The following SERPING1 variants were observed in gnomAD, a reference collection of about 807,000 sequenced individuals.
SERPING1 encodes the protein serpin family G member 1.
In SERPING1, 5 loss-of-function variants were observed where a neutral mutation model predicts 34.1. That is an observed-to-expected ratio of 0.15 (90% confidence interval 0.08 to 0.31). SERPING1 has a LOEUF of 0.31. SERPING1 is among the 10% of genes least tolerant of loss of function. SERPING1 has a pLI of 1.00. For synonymous variants in SERPING1, 225 were observed against 242.4 expected, an observed-to-expected ratio of 0.93 and a Z score of 0.67; for missense variants, 505 against 609.5, an observed-to-expected ratio of 0.83 and a Z score of 1.81.
At chr11:57,606,355 C>T in intron 5 of SERPING1, 53 bp from the exon 6 acceptor site, 2 of 1,610,998 alleles carry the variant, frequency 1.2e-6, no homozygotes, top group Non-Finnish European at 1.7e-6. Context: ...TTTAGCTCCT[C>T]TTCATCCTTT....
At chr11:57,601,166 C>T (rs187843574) in intron 3 of SERPING1, among the ~76,000 whole-genome samples, 5 of 151,540 alleles carry the variant, frequency 3.3e-5, no homozygotes, top group Admixed American at 6.6e-5. Flanking sequence ...TTTAGGAGGC[C>T]GAGGCGGGCA....
chr11:57,612,863 G>A (rs1038945677), intron 7 of SERPING1, among the ~76,000 whole-genome samples: 1 of 152,124 alleles, frequency 6.6e-6, no homozygotes, highest in Non-Finnish European at 1.5e-5. Flanking sequence ...TCCTACCTCA[G>A]CCTCCCAAGT....
intron 6 of SERPING1, chr11:57,611,469 T>C (rs957120756): frequency 1.8e-6 from 1 of 564,674 alleles, no homozygotes; most frequent in Non-Finnish European, 3.2e-6. Flanking sequence ...AGCTCGTCAG[T>C]GGTGGAGTCA....
At chr11:57,609,573 T>A (rs980944671) in intron 6 of SERPING1, among the ~76,000 whole-genome samples, 15 of 151,802 alleles carry the variant, frequency 9.9e-5, no homozygotes, top group African/African-American at 2.2e-4. Flanking sequence ...GAGTGAGACC[T>A]TGTCTCAGAA....
intron 6 of SERPING1, chr11:57,611,484 A>G (rs942911517): frequency 1.7e-6 from 1 of 581,042 alleles, no homozygotes; most frequent in African/African-American, 1.9e-5. Context: ...GAGTCAGGGT[A>G]TAATCAGAAA....
rs138394087 is a variant in SERPING1 at position 57,614,482 on chromosome 11, G to A, written c.1404G>A (p.Leu468=). ...CCGCCATCTCTGTGGCCCGCACCCTGCTGGTCTTTGAAGTGCAGCAGCCCT... is the reference window on the plus strand; with the variant it reads ...CCGCCATCTCTGTGGCCCGCACCCTACTGGTCTTTGAAGTGCAGCAGCCCT... ...AASAISVART[L]LVFEVQQPFL... Residue 468 remains leucine, a synonymous_variant, in exon 8 of 8, where the codon CTG becomes CTA. Transcript: ENST00000278407. The A allele has an allele frequency of 1.9e-6, 3 of 1,614,108 alleles. No homozygotes were observed. The highest frequency in any genetic ancestry group is 1.7e-5 in the Admixed American group (1 of 60,020).
At chr11:57,603,838 C>T (rs1156402857) in intron 4 of SERPING1, among the ~76,000 whole-genome samples, 2 of 67,160 alleles carry the variant, frequency 3.0e-5, no homozygotes, top group Non-Finnish European at 5.8e-5. Flanking sequence ...GACACCATCT[C>T]AAAAAAAAAA....
At chr11:57,613,350 C>T (rs1170814354) in intron 7 of SERPING1, among the ~76,000 whole-genome samples, 1 of 152,160 alleles carries the variant, frequency 6.6e-6, no homozygotes, top group Non-Finnish European at 1.5e-5. Flanking sequence ...AAATTTCCCC[C>T]CGTTTCCAAT....
chr11:57,600,688 C>T (rs1005085871), intron 3 of SERPING1, among the ~76,000 whole-genome samples: 28 of 152,156 alleles, frequency 1.8e-4, no homozygotes, highest in Non-Finnish European at 3.7e-4. Context: ...CAGTGGCTCA[C>T]GCCTGTAATC....
chr11:57,608,156 G>A (rs1180410577), intron 6 of SERPING1, among the ~76,000 whole-genome samples: 3 of 152,194 alleles, frequency 2.0e-5, no homozygotes, highest in Admixed American at 1.3e-4. Flanking sequence ...TACGTTGGGG[G>A]AGGTATAAAT....
At chr11:57,614,274 A>T in intron 7 of SERPING1, 54 bp from the exon 8 acceptor site, 1 of 1,606,336 alleles carries the variant, frequency 6.2e-7, no homozygotes, top group South Asian at 1.1e-5. Context: ...GGTCTCCATC[A>T]GCTGAGGGTA....
intron 6 of SERPING1, among the ~76,000 whole-genome samples, chr11:57,610,685 G>T (rs1945467862): frequency 6.6e-6 from 1 of 151,932 alleles, no homozygotes. Context: ...GACATATTGG[G>T]TCAGATAATT....
intron 6 of SERPING1, 186 bp from the exon 7 acceptor site, chr11:57,611,531 T>C (rs1041691536): frequency 1.5e-6 from 1 of 648,094 alleles, no homozygotes; most frequent in East Asian, 2.7e-5. Context: ...CAGCACAGAG[T>C]TGGATCAGCA....
chr11:57,598,138 T>G, intron 1 of SERPING1, 111 bp from the exon 2 acceptor site: 2 of 751,770 alleles, frequency 2.7e-6, no homozygotes, highest in East Asian at 2.9e-5. Flanking sequence ...GAGGAGGGAA[T>G]TCGCTAAGAG....
chr11:57,602,938 A>T (rs1386807969), intron 4 of SERPING1, among the ~76,000 whole-genome samples: 1 of 150,546 alleles, frequency 6.6e-6, no homozygotes, highest in Admixed American at 6.6e-5. Flanking sequence ...AAAAAAAAAA[A>T]AGTTGGGGGT....
At chr11:57,606,948 T>A (rs894791710) in intron 6 of SERPING1, 8 of 401,316 alleles carry the variant, frequency 2.0e-5, no homozygotes, top group South Asian at 1.6e-4. Context: ...TATCCTTGTA[T>A]ATGCATATAT....
chr11:57,605,939 C>G (rs1274467893), intron 4 of SERPING1, 71 bp from the exon 5 acceptor site: 1 of 1,372,398 alleles, frequency 7.3e-7, no homozygotes, highest in East Asian at 2.3e-5. Flanking sequence ...AGCATGCTCA[C>G]TCTCAAATCG....
rs1264084207 is a variant in SERPING1, at chr11:57,606,018, A to T, written c.694A>T (p.Ile232Leu). Residue 232 changes from isoleucine to leucine, a missense_variant, in exon 5 of 8, where the codon ATA (isoleucine) becomes TTA (leucine). Physicochemically the swap from Ile to Leu is conservative, Grantham distance 5. Coordinates refer to ENST00000278407, the MANE Select transcript of SERPING1 (RefSeq NM_000062.3). The stretch of plus-strand genomic sequence containing the variant: ...TCTCAACATACCCCCAGACCTGGCC[A>T]TAAGGGACACCTTTGTGAATGCCTC... ...SQIFHSPDLA[I>L]RDTFVNASRT... is the part of the protein sequence containing the mutation. 1.9e-6 allele frequency: 3 copies of T among 1,614,086 alleles called. No individual in the cohort carries two copies. The Admixed American group carries it at 5.0e-5, about 27-fold the overall frequency.
At chr11:57,601,664 A>T (rs1590823592) in intron 3 of SERPING1, among the ~76,000 whole-genome samples, 1 of 151,938 alleles carries the variant, frequency 6.6e-6, no homozygotes, top group South Asian at 2.1e-4. Context: ...GGAGTTCAAG[A>T]CCAGCCTGGC....
Sources: gnomAD v4.1 joint callset for allele counts (sites outside exome capture counted in the v4.1 genomes callset) on GRCh38, gnomAD v4.1.1 for gene constraint, MANE v1.5 for transcripts, NCBI Gene and HGNC (gene_info 2026-07-23, HGNC 2026-07-21) for gene names.